MYH10: variants seen among roughly 807,000 people sequenced by gnomAD.
MYH10 encodes myosin-10.
Under a neutral mutation model 257.8 loss-of-function variants are expected in MYH10, and 55 were observed. That is an observed-to-expected ratio of 0.21 (90% confidence interval 0.17 to 0.27). The LOEUF (loss-of-function observed/expected upper bound fraction) is 0.27, where lower values mean the gene tolerates loss of function less well. Ranked by LOEUF, MYH10 falls within the 10% of genes least tolerant of loss-of-function variation. The pLI is 1.00. For synonymous variants in MYH10, 854 were observed against 921.7 expected, an observed-to-expected ratio of 0.93 and a Z score of 1.33; for missense variants, 1,631 against 2,500.6, an observed-to-expected ratio of 0.65 and a Z score of 7.42.
intron 2 of MYH10, among the ~76,000 whole-genome samples, chr17:8,613,292 C>T (rs1217339826): frequency 1.3e-5 from 2 of 151,818 alleles, no homozygotes; most frequent in East Asian, 3.9e-4. Flanking sequence ...TAAAAGGGGC[C>T]CTTTCTAAAA....
chr17:8,524,612 AAAGTT>A (rs2081778763), intron 17 of MYH10, among the ~76,000 whole-genome samples: 1 of 152,130 alleles, frequency 6.6e-6, no homozygotes, highest in African/African-American at 2.4e-5. Flanking sequence ...GGTCAAGCCA[AAAGTT>A]AAGATGTCAT....
At chr17:8,551,956 A>C in intron 9 of MYH10, 90 bp downstream of exon 9, 1 of 656,762 alleles carries the variant, frequency 1.5e-6, no homozygotes, top group Non-Finnish European at 2.4e-6. Flanking sequence ...TTGTGTGTAA[A>C]AAACTGTTTC....
intron 2 of MYH10, among the ~76,000 whole-genome samples, chr17:8,607,693 G>A (rs1302376976): frequency 6.6e-6 from 1 of 152,176 alleles, no homozygotes; most frequent in African/African-American, 2.4e-5. Context: ...AGACCTTAAA[G>A]TTCAAATGAA....
At chr17:8,518,815 CT>C in intron 20 of MYH10, 24 bp from the exon 21 acceptor site, 1 of 1,603,076 alleles carries the variant, frequency 6.2e-7, no homozygotes, top group Non-Finnish European at 8.5e-7. Context: ...AGTTTATTTA[CT>C]TTTTTTAACT....
intron 36 of MYH10, among the ~76,000 whole-genome samples, chr17:8,485,488 TTAAGC>T (rs1259438549): frequency 7.4e-6 from 1 of 134,910 alleles, no homozygotes; most frequent in East Asian, 2.2e-4. Context: ...GTGGCAGAAA[TTAAGC>T]TAAGGCAGGT....
At chr17:8,613,523 A>C (rs1310135170) in intron 2 of MYH10, among the ~76,000 whole-genome samples, 5 of 152,202 alleles carry the variant, frequency 3.3e-5, no homozygotes, top group African/African-American at 4.8e-5. Flanking sequence ...CACATGTCTA[A>C]CAGGTCAAGG....
intron 17 of MYH10, among the ~76,000 whole-genome samples, chr17:8,529,118 C>A (rs1413437445): frequency 6.6e-6 from 1 of 152,202 alleles, no homozygotes. Context: ...GGTGTATACA[C>A]CCCAAAGATC....
chr17:8,572,477 A>G (rs1262118168), intron 6 of MYH10, among the ~76,000 whole-genome samples: 1 of 152,164 alleles, frequency 6.6e-6, no homozygotes, highest in African/African-American at 2.4e-5. Context: ...GTGATGGTGG[A>G]TATCATGAAA....
intron 16 of MYH10, among the ~76,000 whole-genome samples, chr17:8,532,749 CT>C (rs1258255009): frequency 6.6e-6 from 1 of 152,212 alleles, no homozygotes; most frequent in African/African-American, 2.4e-5. Flanking sequence ...GGTTTCTCAA[CT>C]GGATCACTAG....
Position 8,506,251 on chromosome 17 carries a change from A to C in MYH10, c.3386+67T>G. On this transcript the variant is annotated intron_variant, in intron 27 of 42. Coordinates refer to ENST00000360416, the MANE Select transcript of MYH10 (RefSeq NM_001256012.3). This position sits in a 1 kb window ranked among gnomAD's most constrained non-coding sequence, Gnocchi z 5.0. ...TCCCAGGGTTTTTGAATGCTCCCGAACATAACAAAGTCTGCTGAAACTCAG... is the reference window on the plus strand; with the variant it reads ...TCCCAGGGTTTTTGAATGCTCCCGACCATAACAAAGTCTGCTGAAACTCAG... The C allele has an allele frequency of 6.7e-7, 1 of 1,482,840 alleles. No homozygotes were observed. The highest frequency in any genetic ancestry group is 8.9e-7 in the Non-Finnish European group (1 of 1,118,344). The allele number at this position is 1,482,840 out of a possible 1,614,324, so 91.9% of individuals were successfully genotyped here.
chr17:8,491,009 A>G (rs749072873), intron 34 of MYH10, among the ~76,000 whole-genome samples: 1 of 152,220 alleles, frequency 6.6e-6, no homozygotes, highest in Non-Finnish European at 1.5e-5. Flanking sequence ...TGGGCCTAAG[A>G]AGCAGGGCAC....
At position 8,563,873 on chromosome 17, in the gene MYH10, C is replaced by T. The variant is rs1313008638; in HGVS notation, c.756+5847G>A. Among the ~76,000 whole-genome samples, 5 of 137,988 alleles carry T rather than the reference C, an allele frequency of 3.6e-5. No individual in the cohort carries two copies. In the East Asian group the frequency reaches 1.0e-3, roughly 29 times the overall value. The allele number at this position is 137,988 out of a possible 152,430, so 90.5% of individuals were successfully genotyped here. ...TACATAATAGTTGGAAATTGCCAGC[C>T]TGGCTTAAGTCAACTTGGAAAAAAA... On this transcript the variant is annotated intron_variant, in intron 7 of 42. Transcript: ENST00000360416.
chr17:8,508,455 A>C, intron 26 of MYH10, 99 bp downstream of exon 26: 5 of 1,513,008 alleles, frequency 3.3e-6, no homozygotes, highest in Non-Finnish European at 4.5e-6. Context: ...ATTATTAGTA[A>C]TCATCATGTA....
chr17:8,480,090 C>T lies in MYH10; in HGVS notation c.5597+20G>A, dbSNP rs369116746. The T allele has an allele frequency of 1.1e-5, 17 of 1,612,166 alleles. No individual in the cohort carries two copies. Among genetic ancestry groups the T allele is most frequent in the Middle Eastern group, 1.6e-4 (1 of 6,072 alleles). On this transcript the variant is annotated intron_variant, in intron 40 of 42. Coordinates refer to ENST00000360416, the MANE Select transcript of MYH10 (RefSeq NM_001256012.3). ...AGCCTAGTTGGTAAGTTTTGGTTTA[C>T]GGTAGCAAAAACCTCTTACTTGGCT...
intron 2 of MYH10, among the ~76,000 whole-genome samples, chr17:8,606,420 T>C (rs1297227135): frequency 1.3e-5 from 2 of 152,138 alleles, no homozygotes; most frequent in African/African-American, 4.8e-5. Context: ...GTGATTTGGG[T>C]AGACCAAAAT....
intron 1 of MYH10, among the ~76,000 whole-genome samples, chr17:8,628,043 T>A (rs758370255): frequency 6.6e-6 from 1 of 152,226 alleles, no homozygotes; most frequent in Non-Finnish European, 1.5e-5. Flanking sequence ...CAATGCTATA[T>A]ACTACCTTTC....
Position 8,534,386 on chromosome 17 carries a change from C to A in MYH10, c.1894+1001G>T, listed in dbSNP as rs534483925. ...GCGTGCCTGTGTTCAGTGCATCCCCCCCTGCAGCTCCCTCACACTGACTTG... is the reference window on the plus strand; with the variant it reads ...GCGTGCCTGTGTTCAGTGCATCCCCACCTGCAGCTCCCTCACACTGACTTG... On this transcript the variant is annotated intron_variant, in intron 16 of 42. Transcript: ENST00000360416. Among the ~76,000 whole-genome samples the A allele has an allele frequency of 4.0e-4, 61 of 152,310 alleles. No individual in the cohort carries two copies. The South Asian group carries it at 0.011, about 28-fold the overall frequency.
chr17:8,488,013 T>A (rs548279065), intron 35 of MYH10, among the ~76,000 whole-genome samples: 1 of 152,052 alleles, frequency 6.6e-6, no homozygotes, highest in Middle Eastern at 3.2e-3. Flanking sequence ...TGTGAGGACA[T>A]GGGGCATGGC....
intron 7 of MYH10, among the ~76,000 whole-genome samples, chr17:8,564,401 T>A (rs989212077): frequency 2.0e-5 from 3 of 152,228 alleles, no homozygotes; most frequent in Non-Finnish European, 4.4e-5. Context: ...ACTCTTGGTA[T>A]GACATTGATC....
Sources: gnomAD v4.1 joint callset for allele counts (sites outside exome capture counted in the v4.1 genomes callset) on GRCh38, gnomAD v4.1.1 for gene constraint, Gnocchi (gnomAD v3.1) non-coding constraint, MANE v1.5 for transcripts, NCBI Gene and HGNC (gene_info 2026-07-23, HGNC 2026-07-21) for gene names.